Variants in FOXP1 observed in about 807,000 individuals in gnomAD.
FOXP1 encodes forkhead box P1.
In FOXP1, 15 loss-of-function variants were observed where a neutral mutation model predicts 98.2. That is an observed-to-expected ratio of 0.15 (90% confidence interval 0.10 to 0.24). The LOEUF (loss-of-function observed/expected upper bound fraction) is 0.24, where lower values mean the gene tolerates loss of function less well. Ranked by LOEUF, FOXP1 falls within the 10% of genes least tolerant of loss-of-function variation. The probability of loss-of-function intolerance (pLI) is 1.00; values close to 1 mark genes in which losing one functional copy is unlikely to be tolerated. For missense variants in FOXP1, 633 were observed against 848.5 expected, an observed-to-expected ratio of 0.75 and a Z score of 3.15; for synonymous variants, 371 against 314.5, an observed-to-expected ratio of 1.18 and a Z score of -1.90.
chr3:71,052,691 C>T (rs2050074245), intron 8 of FOXP1, 65 bp from the exon 9 acceptor site: 3 of 854,430 alleles, frequency 3.5e-6, no homozygotes, highest in Admixed American at 1.7e-5. Flanking sequence ...CCTTTTGGTG[C>T]CATACACAAA....
intron 2 of FOXP1, among the ~76,000 whole-genome samples, chr3:71,577,848 C>T (rs144011684): frequency 1.4e-4 from 21 of 152,146 alleles, no homozygotes; most frequent in African/African-American, 4.6e-4. Flanking sequence ...ATAAAGTTCA[C>T]CTGTCTATTC....
At chr3:71,049,543 A>G (rs2049544351) in intron 9 of FOXP1, among the ~76,000 whole-genome samples, 1 of 151,708 alleles carries the variant, frequency 6.6e-6, no homozygotes, top group South Asian at 2.1e-4. Flanking sequence ...ATCTCAAGGC[A>G]ACTTTAGGAG....
intron 3 of FOXP1, among the ~76,000 whole-genome samples, chr3:71,427,833 A>C (rs1006122714): frequency 2.0e-5 from 3 of 152,250 alleles, no homozygotes; most frequent in African/African-American, 7.2e-5. Flanking sequence ...CAACCCAGGA[A>C]GATGAGCAGG....
intron 17 of FOXP1, among the ~76,000 whole-genome samples, chr3:70,973,711 G>T (rs979478843): frequency 1.3e-5 from 2 of 152,054 alleles, no homozygotes; most frequent in African/African-American, 4.8e-5. Context: ...CTTATTCAGA[G>T]TAAGTAGATG....
At chr3:70,976,750 G>T (rs570552945) in intron 17 of FOXP1, among the ~76,000 whole-genome samples, 191 bp downstream of exon 17, 25 of 152,266 alleles carry the variant, frequency 1.6e-4, no homozygotes, top group Non-Finnish European at 3.7e-4. Context: ...TGGTATAATG[G>T]GAGTCTTCCA....
intron 11 of FOXP1, among the ~76,000 whole-genome samples, chr3:71,021,512 T>C (rs1038213845): frequency 6.6e-6 from 1 of 152,206 alleles, no homozygotes; most frequent in Non-Finnish European, 1.5e-5. Context: ...TGTATGTACA[T>C]GTACTCTAAG....
intron 5 of FOXP1, among the ~76,000 whole-genome samples, chr3:71,214,049 G>T (rs192138325): frequency 6.6e-6 from 1 of 152,128 alleles, no homozygotes; most frequent in Non-Finnish European, 1.5e-5. Context: ...GATTGAACTT[G>T]GAATCTGAGA....
At chr3:71,221,872 C>T (rs1044869799) in intron 5 of FOXP1, among the ~76,000 whole-genome samples, 5 of 152,168 alleles carry the variant, frequency 3.3e-5, no homozygotes, top group Non-Finnish European at 7.3e-5. Context: ...CAAAGTCCTT[C>T]GTCCGGGTGC....
intron 2 of FOXP1, among the ~76,000 whole-genome samples, chr3:71,535,105 G>T (rs911632486): frequency 1.2e-4 from 19 of 152,154 alleles, no homozygotes; most frequent in African/African-American, 4.6e-4. Flanking sequence ...ATGAGCAAAT[G>T]CCCGGGAGCA....
chr3:71,049,717 C>T (rs1277729409), intron 9 of FOXP1, among the ~76,000 whole-genome samples: 1 of 152,128 alleles, frequency 6.6e-6, no homozygotes, highest in Non-Finnish European at 1.5e-5. Context: ...ATACTTGTTC[C>T]ATCTGTCAAC....
intron 13 of FOXP1, among the ~76,000 whole-genome samples, chr3:70,995,354 T>C (rs1000105566): frequency 3.9e-5 from 6 of 152,162 alleles, no homozygotes; most frequent in African/African-American, 1.4e-4. Context: ...CCCTCTGTCA[T>C]GGTGGGGGTG....
chr3:71,195,365 C>T (rs917202855), intron 6 of FOXP1, among the ~76,000 whole-genome samples: 1 of 152,106 alleles, frequency 6.6e-6, no homozygotes, highest in African/African-American at 2.4e-5. Context: ...GAAAGGTTTG[C>T]ATTTATTTAT....
chr3:71,160,720 C>T (rs186300460), intron 6 of FOXP1, among the ~76,000 whole-genome samples: 1 of 152,304 alleles, frequency 6.6e-6, no homozygotes, highest in East Asian at 1.9e-4. Context: ...TCAACAATTC[C>T]ATGACCAATG....
At position 70,957,711 on chromosome 3, in the gene FOXP1, C is replaced by T. The variant is rs573286093; in HGVS notation, c.*1536G>A. On this transcript the variant is annotated 3_prime_UTR_variant, in exon 21 of 21. Transcript: ENST00000649528. ...TCTGCATACCATGTTTGGGACCCCC[C>T]CAAAGCCCAGGGCCTACATGATATC... 2.1e-4 allele frequency: 48 copies of T among 233,492 alleles called. No individual in the cohort carries two copies. The East Asian group carries it at 2.7e-3, about 13-fold the overall frequency. 14.5% of individuals were successfully genotyped at this position (233,492 alleles called of 1,614,324 possible).
intron 19 of FOXP1, among the ~76,000 whole-genome samples, chr3:70,967,687 G>GTTTTTTTTGTTTGTTTTTTTTT (rs2035149880): frequency 1.6e-5 from 1 of 61,358 alleles, no homozygotes; most frequent in African/African-American, 5.7e-5. Context: ...ACTATTATTT[G>GTTTTTTTTGTTTGTTTTTTTTT]TTTTTTTTTT....
intron 14 of FOXP1, among the ~76,000 whole-genome samples, chr3:70,985,681 A>G (rs2039615322): frequency 6.6e-6 from 1 of 152,046 alleles, no homozygotes; most frequent in Non-Finnish European, 1.5e-5. Flanking sequence ...TCATACACAA[A>G]TGTGATCTTT....
intron 20 of FOXP1, among the ~76,000 whole-genome samples, chr3:70,963,259 C>T (rs1015467368): frequency 2.6e-5 from 4 of 152,150 alleles, no homozygotes; most frequent in Admixed American, 2.6e-4. Flanking sequence ...TGTGTGACCA[C>T]CTGATGACAC....
At chr3:71,060,848 C>G (rs1257546725) in intron 7 of FOXP1, among the ~76,000 whole-genome samples, 2 of 152,198 alleles carry the variant, frequency 1.3e-5, no homozygotes, top group African/African-American at 4.8e-5. Context: ...CTCACCATAA[C>G]ATTTAGCCTG....
rs116381171 is a variant in FOXP1 at position 71,223,298 on chromosome 3, A to G, written c.-11-24906T>C. Among the ~76,000 whole-genome samples the G allele has an allele frequency of 2.8e-3, 398 of 142,370 alleles. 1 individual carries two copies. The highest frequency in any genetic ancestry group is 9.9e-3 in the African/African-American group (373 of 37,664). The allele number at this position is 142,370 out of a possible 152,430, so 93.4% of individuals were successfully genotyped here. A position where few individuals can be genotyped will look rare whatever the true frequency, so the allele number is the denominator to read the frequency against. On this transcript the variant is annotated intron_variant, in intron 5 of 20. Coordinates refer to ENST00000649528, the MANE Select transcript of FOXP1 (RefSeq NM_001349338.3). ...AAACATACCTTACTCTTTCATACCT[A>G]CATTATGCTATTCTCCTCCTCTTGG...
Sources: gnomAD v4.1 joint callset for allele counts (sites outside exome capture counted in the v4.1 genomes callset) on GRCh38, gnomAD v4.1.1 for gene constraint, MANE v1.5 for transcripts, NCBI Gene and HGNC (gene_info 2026-07-23, HGNC 2026-07-21) for gene names.